The following ARHGEF18 variants were observed in gnomAD, a reference collection of about 807,000 sequenced individuals.
The protein encoded by ARHGEF18 is rho guanine nucleotide exchange factor 18.
A neutral mutation model predicts 155.7 loss-of-function variants in ARHGEF18; 93 were observed. The observed-to-expected ratio is 0.60, with a 90% CI of 0.50 to 0.71. The LOEUF (loss-of-function observed/expected upper bound fraction) is 0.71, where lower values mean the gene tolerates loss of function less well. ARHGEF18 is among the 30% of genes least tolerant of loss of function. The probability of loss-of-function intolerance (pLI) is 0.00; values close to 1 mark genes in which losing one functional copy is unlikely to be tolerated. For synonymous variants in ARHGEF18, 742 were observed against 753.1 expected, an observed-to-expected ratio of 0.99 and a Z score of 0.24; for missense variants, 1,593 against 1,816.1, an observed-to-expected ratio of 0.88 and a Z score of 2.23.
At chr19:7,456,075 T>G (rs1160930706) in intron 17 of ARHGEF18, among the ~76,000 whole-genome samples, 1 of 152,188 alleles carries the variant, frequency 6.6e-6, no homozygotes, top group African/African-American at 2.4e-5. Flanking sequence ...TGGCCTGACA[T>G]GGGCGGGAGC....
intron 18 of ARHGEF18, among the ~76,000 whole-genome samples, chr19:7,457,424 A>G (rs1449188059): frequency 7.3e-6 from 1 of 137,848 alleles, no homozygotes; most frequent in Non-Finnish European, 1.5e-5. Flanking sequence ...GTGCAATGAC[A>G]CAATCTCGAC....
intron 10 of ARHGEF18, among the ~76,000 whole-genome samples, chr19:7,419,904 G>T (rs1053066611): frequency 6.6e-6 from 1 of 151,466 alleles, no homozygotes; most frequent in Admixed American, 6.6e-5. Flanking sequence ...CTTGGGCTCT[G>T]TACCCCAGAT....
In ARHGEF18 at chr19:7,470,624, C is replaced by T. The variant is rs542987987; in HGVS notation, c.*326C>T. 58 of 396,990 alleles carry T rather than the reference C, an allele frequency of 1.5e-4. No individual in the cohort carries two copies. Among genetic ancestry groups the T allele is most frequent in the African/African-American group, 1.2e-3 (57 of 48,606 alleles). 24.6% of individuals were successfully genotyped at this position (396,990 alleles called of 1,614,324 possible). ...CCCATCCGGGTGGCGGGGAGATCAA[C>T]TCCGAGCTGTTTTTCCGAGGCAGTG... On this transcript the variant is annotated 3_prime_UTR_variant, in exon 29 of 29. Coordinates refer to ENST00000668164, the MANE Select transcript of ARHGEF18 (RefSeq NM_001367823.1). The surrounding 1 kb of genome is among the most constrained non-coding windows in gnomAD (Gnocchi z 5.9).
chr19:7,467,096 C>G lies in ARHGEF18; in HGVS notation c.2987C>G (p.Ser996Cys), dbSNP rs374860352. The change falls in exon 25 of 29, where the codon TCC becomes TGC. Residue 996 changes from serine to cysteine, a missense_variant. Physicochemically the swap from Ser to Cys is moderately radical, Grantham distance 112 (BLOSUM62 -1). Coordinates refer to ENST00000668164, the MANE Select transcript of ARHGEF18 (RefSeq NM_001367823.1). The stretch of plus-strand genomic sequence containing the variant: ...CTTGTCCAGCGGATCCAGACACTGT[C>G]CCAGCTGCTCCTGAACCTTCAGGTA... Reference protein sequence around the residue: ...SELVQRIQTLSQLLLNLQAVI... With the variant: ...SELVQRIQTLCQLLLNLQAVI... 1 of 1,604,760 alleles carries G rather than the reference C, an allele frequency of 6.2e-7. No individual in the cohort carries two copies. The highest frequency in any genetic ancestry group is 1.3e-5 in the African/African-American group (1 of 74,806).
intron 10 of ARHGEF18, among the ~76,000 whole-genome samples, chr19:7,415,824 G>T (rs1309797551): frequency 6.6e-6 from 1 of 152,076 alleles, no homozygotes; most frequent in African/African-American, 2.4e-5. Flanking sequence ...CCCTTTTGAA[G>T]ATATACCCAG....
chr19:7,364,967 A>T (rs1391482749), intron 2 of ARHGEF18, among the ~76,000 whole-genome samples: 1 of 152,120 alleles, frequency 6.6e-6, no homozygotes, highest in Non-Finnish European at 1.5e-5. Flanking sequence ...GGGGGCTGAG[A>T]ACTGACAGTT....
At chr19:7,457,248 A>C (rs1600513259) in intron 18 of ARHGEF18, among the ~76,000 whole-genome samples, 2 of 151,158 alleles carry the variant, frequency 1.3e-5, no homozygotes, top group South Asian at 2.1e-4. Flanking sequence ...TCGAGTGGCC[A>C]TCCCTCTGTG....
chr19:7,382,415 T>C (rs567522446), intron 8 of ARHGEF18, among the ~76,000 whole-genome samples: 9 of 70,648 alleles, frequency 1.3e-4, no homozygotes, highest in African/African-American at 5.4e-4. Flanking sequence ...ACAAAATAAC[T>C]AAATAAATAA....
downstream of ARHGEF18, chr19:7,477,198 A>G: frequency 1.4e-6 from 2 of 1,474,122 alleles, no homozygotes; most frequent in African/African-American, 1.4e-5. Context: ...CTCTTCCGGC[A>G]GTGTCAGGGG....
chr19:7,443,664 G>T (rs918844976), intron 13 of ARHGEF18, among the ~76,000 whole-genome samples: 5 of 152,144 alleles, frequency 3.3e-5, no homozygotes, highest in African/African-American at 1.2e-4. Flanking sequence ...TGCAGTCTAG[G>T]TCTGGTCAGG....
At position 7,444,094 on chromosome 19, in the gene ARHGEF18, A is replaced by G; in HGVS notation, c.1361-110A>G. The G allele has an allele frequency of 2.1e-6, 3 of 1,414,570 alleles. No individual in the cohort carries two copies. The highest frequency in any genetic ancestry group is 2.9e-6 in the Non-Finnish European group (3 of 1,032,956). 87.6% of individuals were successfully genotyped at this position (1,414,570 alleles called of 1,614,324 possible). On this transcript the variant is annotated intron_variant, in intron 13 of 28. Coordinates refer to ENST00000668164, the MANE Select transcript of ARHGEF18 (RefSeq NM_001367823.1). This position sits in a 1 kb window ranked among gnomAD's most constrained non-coding sequence, Gnocchi z 4.7. ...ATCCCAAAGGCACAAGGTCTTAGGC[A>G]GAGAACTCTCAGAAGCCAGTTCAGC...
chr19:7,442,266 T>C (rs1324396741), intron 13 of ARHGEF18, among the ~76,000 whole-genome samples: 1 of 151,978 alleles, frequency 6.6e-6, no homozygotes, highest in East Asian at 1.9e-4. Flanking sequence ...AGACACAGTC[T>C]CTCTCTATTG....
In ARHGEF18 at chr19:7,384,516, T is replaced by C. The variant is rs369987970; in HGVS notation, c.967+1313T>C. ...CTTCAGGCGTGGGAATTTTCCTTCT[T>C]TCTCATTTTCCTCTCTTTCTGCAGT... On this transcript the variant is annotated intron_variant, in intron 10 of 28. Transcript: ENST00000668164. Among the ~76,000 whole-genome samples, 15 of 152,160 alleles carry C rather than the reference T, an allele frequency of 9.9e-5. 1 individual carries two copies. The highest frequency in any genetic ancestry group is 7.2e-4 in the Admixed American group (11 of 15,264).
intron 10 of ARHGEF18, among the ~76,000 whole-genome samples, chr19:7,425,979 AAC>A (rs1010255418): frequency 3.3e-5 from 5 of 151,724 alleles, no homozygotes; most frequent in Non-Finnish European, 5.9e-5. Context: ...CAGCCTGGGC[AAC>A]AGAGTGAGAC....
At chr19:7,427,030 A>G (rs373847097) in intron 10 of ARHGEF18, among the ~76,000 whole-genome samples, 3 of 151,656 alleles carry the variant, frequency 2.0e-5, no homozygotes, top group East Asian at 3.9e-4. Context: ...GTTAGAGGTG[A>G]CCCTGGCCTC....
chr19:7,449,852 A>AT (rs1975247591), intron 15 of ARHGEF18, among the ~76,000 whole-genome samples: 1 of 151,640 alleles, frequency 6.6e-6, no homozygotes, highest in Non-Finnish European at 1.5e-5. Flanking sequence ...TAATATTTTA[A>AT]TTTTTTGTAG....
Position 7,467,381 on chromosome 19 carries a change from G to A in ARHGEF18, c.3177G>A (p.Leu1059=), listed in dbSNP as rs1271852918. ...AGGAGCGCGCGGCCCTGGAGAAGCT[G>A]CAGAGCCAGCTGCGGCACGAGCAGC... ...QREERAALEK[L]QSQLRHEQQR... is the part of the protein sequence containing the mutation. Residue 1059 remains leucine, a synonymous_variant, in exon 26 of 29, where the codon CTG becomes CTA. Transcript: ENST00000668164. 1 of 1,533,662 alleles carries A rather than the reference G, an allele frequency of 6.5e-7. No individual in the cohort carries two copies. Among genetic ancestry groups the A allele is most frequent in the Non-Finnish European group, 8.7e-7 (1 of 1,145,700 alleles).
In ARHGEF18 at chr19:7,367,885, T is replaced by TTATATATATACACATATATATTTTTA. The variant is rs1555699396; in HGVS notation, c.16-4918_16-4917insACACATATATATTTTTATATATATAT. 3.1e-4 allele frequency among the ~76,000 whole-genome samples: 5 copies of TTATATATATACACATATATATTTTTA among 16,088 alleles called. 2 individuals are homozygous for TTATATATATACACATATATATTTTTA. Among genetic ancestry groups the TTATATATATACACATATATATTTTTA allele is most frequent in the African/African-American group, 2.4e-3 (5 of 2,100 alleles). 10.6% of individuals were successfully genotyped at this position (16,088 alleles called of 152,430 possible). On this transcript the variant is annotated intron_variant, in intron 2 of 28. Transcript: ENST00000668164. The stretch of plus-strand genomic sequence containing the variant: ...ATATATATTTTTATATATATATATT[T>TTATATATATACACATATATATTTTTA]TATATATATTTTTTATATATATATA...
At chr19:7,393,643 T>G (rs1472193110) in intron 10 of ARHGEF18, among the ~76,000 whole-genome samples, 2 of 151,900 alleles carry the variant, frequency 1.3e-5, no homozygotes, top group Admixed American at 1.3e-4. Flanking sequence ...CTGGGGTGTC[T>G]GATGGCAATT....
Sources: allele counts gnomAD v4.1 joint callset (sites outside exome capture counted in the v4.1 genomes callset), GRCh38; gene constraint gnomAD v4.1.1; non-coding constraint Gnocchi (gnomAD v3.1); transcripts MANE v1.5; gene names NCBI Gene and HGNC (gene_info 2026-07-23, HGNC 2026-07-21).